The following GRIA4 variants were observed in gnomAD, a reference collection of about 807,000 sequenced individuals.
The protein encoded by GRIA4 is glutamate receptor 4.
Under a neutral mutation model 104.0 loss-of-function variants are expected in GRIA4, and 34 were observed. The observed-to-expected ratio is 0.33, with a 90% confidence interval of 0.25 to 0.44. The LOEUF (loss-of-function observed/expected upper bound fraction) is 0.44. Among genes scored for constraint, GRIA4 ranks in the 20% least tolerant of loss-of-function variants. The pLI is 1.00. For missense variants in GRIA4, 750 were observed against 1,096.5 expected (o/e 0.68, Z 4.46); for synonymous variants, 386 against 381.9 (o/e 1.01, Z -0.13).
At chr11:105,760,353 G>A (rs1490547562) in intron 4 of GRIA4, among the ~76,000 whole-genome samples, 1 of 151,922 alleles carries the variant, frequency 6.6e-6, no homozygotes, top group Non-Finnish European at 1.5e-5. Flanking sequence ...CTTGTTCTAG[G>A]ACTCCACTCT....
chr11:105,656,826 T>C (rs1175814606), intron 3 of GRIA4, among the ~76,000 whole-genome samples: 1 of 152,086 alleles, frequency 6.6e-6, no homozygotes, highest in East Asian at 1.9e-4. Context: ...TTAATAGGAA[T>C]AAACTTTTAT....
chr11:105,749,077 C>T (rs1939842605), intron 3 of GRIA4, among the ~76,000 whole-genome samples: 1 of 152,140 alleles, frequency 6.6e-6, no homozygotes, highest in African/African-American at 2.4e-5. Flanking sequence ...TTCAAGGACA[C>T]TAAGAAACGC....
At chr11:105,899,907 G>A (rs1376012125) in intron 7 of GRIA4, among the ~76,000 whole-genome samples, 1 of 152,072 alleles carries the variant, frequency 6.6e-6, no homozygotes, top group Non-Finnish European at 1.5e-5. Flanking sequence ...TCTTGCACTT[G>A]CGAACACTAA....
chr11:105,864,355 G>GT (rs757229766), intron 5 of GRIA4, among the ~76,000 whole-genome samples: 19 of 152,228 alleles, frequency 1.2e-4, no homozygotes, highest in Non-Finnish European at 2.8e-4. Context: ...GTTTGTACGT[G>GT]TATCTTAAGA....
intron 3 of GRIA4, among the ~76,000 whole-genome samples, chr11:105,731,882 TG>T (rs1938616022): frequency 6.7e-6 from 1 of 148,332 alleles, no homozygotes. Flanking sequence ...TGTCGGGGGG[TG>T]GGGGACAAGG....
chr11:105,899,866 C>T (rs948740748), intron 7 of GRIA4, among the ~76,000 whole-genome samples: 3 of 152,120 alleles, frequency 2.0e-5, no homozygotes, highest in South Asian at 2.1e-4. Context: ...ATTTAACATG[C>T]GCATTTTCTC....
intron 14 of GRIA4, among the ~76,000 whole-genome samples, chr11:105,948,523 A>G (rs1412215583): frequency 2.0e-5 from 3 of 149,294 alleles, no homozygotes; most frequent in Admixed American, 2.0e-4. Flanking sequence ...AATAAATTAT[A>G]TTATTCTAAG....
At chr11:105,856,887 C>A (rs1304801761) in intron 4 of GRIA4, among the ~76,000 whole-genome samples, 2 of 152,092 alleles carry the variant, frequency 1.3e-5, no homozygotes, top group Non-Finnish European at 2.9e-5. Context: ...AAGATGAATT[C>A]TCTACTTTTA....
intron 11 of GRIA4, 122 bp downstream of exon 11, chr11:105,919,040 C>A (rs1947485175): frequency 1.6e-6 from 1 of 636,446 alleles, no homozygotes. Context: ...CCAAGAGGCA[C>A]ATACAGTGTT....
intron 3 of GRIA4, among the ~76,000 whole-genome samples, chr11:105,736,259 T>A (rs10736646): frequency 6.6e-6 from 1 of 152,104 alleles, no homozygotes; most frequent in East Asian, 1.9e-4. Flanking sequence ...CCTGCTTCAT[T>A]CATTTACATT....
rs17104523 is a variant in GRIA4 at position 105,759,306 on chromosome 11, T to C, written c.487+6086T>C. ...TATGAGATTTAAACCTTCATGCACA[T>C]TTCTGATTACTACTGCTAAATTCAT... On this transcript the variant is annotated intron_variant, in intron 4 of 16. Coordinates refer to ENST00000282499, the MANE Select transcript of GRIA4 (RefSeq NM_000829.4). 2.2e-3 allele frequency among the ~76,000 whole-genome samples: 336 copies of C among 152,312 alleles called. 5 individuals are homozygous for C. Among genetic ancestry groups the C allele is most frequent in the Admixed American group, 0.015 (232 of 15,290 alleles).
intron 4 of GRIA4, among the ~76,000 whole-genome samples, chr11:105,767,397 GTATAT>G (rs1940999058): frequency 6.6e-6 from 1 of 152,052 alleles, no homozygotes; most frequent in African/African-American, 2.4e-5. Context: ...TATAAGAAGT[GTATAT>G]TATGTTATTA....
chr11:105,835,086 T>A (rs1164271175), intron 4 of GRIA4, among the ~76,000 whole-genome samples: 1 of 152,044 alleles, frequency 6.6e-6, no homozygotes, highest in Non-Finnish European at 1.5e-5. Context: ...CTGAAATATG[T>A]TATTCTTTAT....
intron 3 of GRIA4, among the ~76,000 whole-genome samples, chr11:105,713,036 T>C (rs1953967155): frequency 6.6e-6 from 1 of 152,018 alleles, no homozygotes; most frequent in Non-Finnish European, 1.5e-5. Context: ...TAAACAAAAC[T>C]CTTCTATTAA....
chr11:105,747,002 A>G (rs2135674620), intron 3 of GRIA4, among the ~76,000 whole-genome samples: 1 of 152,258 alleles, frequency 6.6e-6, no homozygotes, highest in East Asian at 1.9e-4. Context: ...AATCCTAAAA[A>G]CTTCCTGGCT....
intron 3 of GRIA4, among the ~76,000 whole-genome samples, chr11:105,675,846 T>C (rs1030787625): frequency 2.0e-5 from 3 of 151,832 alleles, no homozygotes; most frequent in Non-Finnish European, 4.4e-5. Context: ...TTTATACTAC[T>C]TCAGTTATTC....
intron 4 of GRIA4, among the ~76,000 whole-genome samples, chr11:105,860,089 A>G (rs1175775349): frequency 6.6e-6 from 1 of 152,224 alleles, no homozygotes; most frequent in Non-Finnish European, 1.5e-5. Context: ...ATGGAGCAAT[A>G]GATATACCAG....
chr11:105,886,825 A>T (rs916211305), intron 5 of GRIA4, among the ~76,000 whole-genome samples: 6 of 152,040 alleles, frequency 3.9e-5, no homozygotes. Context: ...AATAAAATTG[A>T]ACTTTGAAAA....
intron 4 of GRIA4, among the ~76,000 whole-genome samples, chr11:105,828,056 A>T (rs1276093059): frequency 6.6e-6 from 1 of 151,956 alleles, no homozygotes; most frequent in Non-Finnish European, 1.5e-5. Context: ...TTGCCATGCT[A>T]TTTTTAGTCA....
Sources: gnomAD v4.1 joint callset for allele counts (sites outside exome capture counted in the v4.1 genomes callset) on GRCh38, gnomAD v4.1.1 for gene constraint, MANE v1.5 for transcripts, NCBI Gene and HGNC (gene_info 2026-07-23, HGNC 2026-07-21) for gene names.